The following C1QTNF3 variants were observed in gnomAD, a reference collection of about 807,000 sequenced individuals.
The protein encoded by C1QTNF3 is complement C1q tumor necrosis factor-related protein 3.
In C1QTNF3, 26 loss-of-function variants were observed where a neutral mutation model predicts 32.6. That is an observed-to-expected ratio of 0.80 (90% CI 0.58 to 1.11). C1QTNF3 has a LOEUF of 1.11. Ranked by LOEUF, C1QTNF3 falls within the 50% of genes least tolerant of loss-of-function variation. C1QTNF3 has a pLI of 0.00. For synonymous variants in C1QTNF3, 155 were observed against 146.0 expected (o/e 1.06, Z -0.44); for missense variants, 362 against 398.2 (o/e 0.91, Z 0.77).
the C1QTNF3 span, among the ~76,000 whole-genome samples, chr5:34,080,796 C>T: frequency 6.6e-6 from 1 of 151,870 alleles, no homozygotes; most frequent in Middle Eastern, 3.4e-3. Context: ...CTGACATCAA[C>T]ATGTCCACAC....
chr5:34,217,647 T>C, the C1QTNF3 span, among the ~76,000 whole-genome samples: 7 of 152,132 alleles, frequency 4.6e-5, no homozygotes, highest in African/African-American at 1.2e-4. Context: ...CAAGGAATGC[T>C]GGGAAATGTG....
chr5:34,137,346 C>T, the C1QTNF3 span, among the ~76,000 whole-genome samples: 1 of 152,112 alleles, frequency 6.6e-6, no homozygotes, highest in South Asian at 2.1e-4. Context: ...GTCCTGATTC[C>T]AAAAGCTTCA....
chr5:34,156,924 T>G, the C1QTNF3 span, among the ~76,000 whole-genome samples: 1 of 152,354 alleles, frequency 6.6e-6, no homozygotes, highest in East Asian at 1.9e-4. Context: ...AATTACTTGT[T>G]CCTAGTCACA....
the C1QTNF3 span, among the ~76,000 whole-genome samples, chr5:34,085,511 C>A: frequency 6.6e-6 from 1 of 151,376 alleles, no homozygotes; most frequent in Non-Finnish European, 1.5e-5. Flanking sequence ...TTCCATTGGT[C>A]TATATATCTG....
chr5:34,188,608 G>A, the C1QTNF3 span, among the ~76,000 whole-genome samples: 5 of 152,356 alleles, frequency 3.3e-5, no homozygotes, highest in East Asian at 3.9e-4. Flanking sequence ...TAGCTCTTTC[G>A]CTTTGGCCAA....
At chr5:34,050,174 C>T in the C1QTNF3 span, among the ~76,000 whole-genome samples, 1 of 152,172 alleles carries the variant, frequency 6.6e-6, no homozygotes, top group Admixed American at 6.5e-5. Flanking sequence ...GAGATCACCT[C>T]ATTGTCCACA....
chr5:34,142,426 CA>C, the C1QTNF3 span, among the ~76,000 whole-genome samples: 1 of 102,468 alleles, frequency 9.8e-6, no homozygotes, highest in South Asian at 3.3e-4. Context: ...AGTGAGACTC[CA>C]TCTCAAAAAA....
chr5:34,154,746 A>C, the C1QTNF3 span, among the ~76,000 whole-genome samples: 3 of 152,166 alleles, frequency 2.0e-5, no homozygotes, highest in Non-Finnish European at 4.4e-5. Context: ...AAAGAGAGAG[A>C]GAGCTAGAGA....
At chr5:34,208,732 T>C in the C1QTNF3 span, among the ~76,000 whole-genome samples, 1 of 152,168 alleles carries the variant, frequency 6.6e-6, no homozygotes, top group South Asian at 2.1e-4. Context: ...AGAAAAACTC[T>C]ATATGATGAT....
the C1QTNF3 span, among the ~76,000 whole-genome samples, chr5:34,196,660 A>T: frequency 4.3e-5 from 6 of 140,984 alleles, no homozygotes; most frequent in African/African-American, 7.8e-5. Context: ...TTAATTTTTA[A>T]TTTTTTTTTT....
the C1QTNF3 span, among the ~76,000 whole-genome samples, chr5:34,053,022 C>T: frequency 4.5e-4 from 68 of 152,194 alleles, no homozygotes; most frequent in African/African-American, 1.6e-3. Flanking sequence ...TTAGCTTCTT[C>T]GATTTTTCCA....
chr5:34,096,084 T>C, the C1QTNF3 span, among the ~76,000 whole-genome samples: 1 of 151,010 alleles, frequency 6.6e-6, no homozygotes, highest in Non-Finnish European at 1.5e-5. Context: ...TGTTTATGCA[T>C]GTTCTGAATA....
At chr5:34,177,799 A>C in the C1QTNF3 span, among the ~76,000 whole-genome samples, 13 of 151,692 alleles carry the variant, frequency 8.6e-5, no homozygotes, top group East Asian at 2.2e-3. Flanking sequence ...AACTCATCTT[A>C]AATATTTTGT....
the C1QTNF3 span, among the ~76,000 whole-genome samples, chr5:34,210,889 G>T: frequency 6.6e-6 from 1 of 151,806 alleles, no homozygotes; most frequent in African/African-American, 2.4e-5. Context: ...TACATTTTTT[G>T]CATTTTTTAA....
At position 34,028,687 on chromosome 5, in the gene C1QTNF3, T is replaced by C. The variant is rs113506132; in HGVS notation, c.700+67A>G. On this transcript the variant is annotated intron_variant, in intron 4 of 5. Transcript: ENST00000382065. ...CTCCGTCCCTCCCTCTCTTCTTTCC[T>C]TCCTTCCTTAATTGTCTTTATTATT... 1.5e-4 allele frequency: 207 copies of C among 1,372,520 alleles called. 3 individuals carry two copies. In the African/African-American group the frequency reaches 2.3e-3, roughly 15 times the overall value. The allele number at this position is 1,372,520 out of a possible 1,614,324, so 85.0% of individuals were successfully genotyped here. A position where few individuals can be genotyped will look rare whatever the true frequency, so the allele number is the denominator to read the frequency against.
chr5:34,067,394 TG>T, the C1QTNF3 span, among the ~76,000 whole-genome samples: 1 of 152,212 alleles, frequency 6.6e-6, no homozygotes, highest in Non-Finnish European at 1.5e-5. Flanking sequence ...TACCTGAGAC[TG>T]GGCAATTTCC....
chr5:34,140,887 T>C, the C1QTNF3 span, among the ~76,000 whole-genome samples: 1 of 152,180 alleles, frequency 6.6e-6, no homozygotes, highest in Non-Finnish European at 1.5e-5. Context: ...TAAATCAATA[T>C]GTTGCTTGGG....
At chr5:34,124,214 C>G in the C1QTNF3 span, 90 of 437,986 alleles carry the variant, frequency 2.1e-4, no homozygotes, top group African/African-American at 1.8e-3. Context: ...TTTTGAAGCC[C>G]TTTGTATAAA....
the C1QTNF3 span, among the ~76,000 whole-genome samples, chr5:34,054,339 T>C: frequency 6.6e-6 from 1 of 152,360 alleles, no homozygotes; most frequent in Admixed American, 6.5e-5. Flanking sequence ...ATAAACACAG[T>C]TCTGTATCTC....
Sources: allele counts gnomAD v4.1 joint callset (sites outside exome capture counted in the v4.1 genomes callset), GRCh38; gene constraint gnomAD v4.1.1; transcripts MANE v1.5; gene names NCBI Gene and HGNC (gene_info 2026-07-23, HGNC 2026-07-21).